The following ZNF398 variants were observed in gnomAD, a reference collection of about 807,000 sequenced individuals.
ZNF398 encodes the protein zinc finger protein 398.
In ZNF398, 18 loss-of-function variants were observed where a neutral mutation model predicts 41.9. The observed-to-expected ratio is 0.43, with a 90% CI of 0.30 to 0.64. The LOEUF is 0.64. ZNF398 is among the 30% of genes least tolerant of loss of function. The probability of loss-of-function intolerance (pLI) is 0.14; values close to 1 mark genes in which losing one functional copy is unlikely to be tolerated. For synonymous variants in ZNF398, 260 were observed against 308.8 expected, an observed-to-expected ratio of 0.84 and a Z score of 1.66; for missense variants, 669 against 822.8, an observed-to-expected ratio of 0.81 and a Z score of 2.29.
Position 149,176,598 on chromosome 7 carries a change from A to G in ZNF398, c.775+17A>G. The G allele has an allele frequency of 6.5e-7, 1 of 1,539,432 alleles. No homozygotes were observed. Among genetic ancestry groups the G allele is most frequent in the Non-Finnish European group, 8.9e-7 (1 of 1,125,174 alleles). On this transcript the variant is annotated intron_variant, in intron 5 of 5. Transcript: ENST00000475153. ...CTTATGCTGGTGAGTATGAAATTAA[A>G]GAGGTGTTCATGTCCATATCCAGCT...
intron 1 of ZNF398, chr7:149,148,475 C>G (rs934430408): frequency 1.7e-5 from 17 of 985,380 alleles, no homozygotes; most frequent in Non-Finnish European, 1.8e-5. Flanking sequence ...CATTTGCCAC[C>G]CAAGAGGTCT....
chr7:149,135,338 C>G (rs562407750), intron 2 of ZNF398, among the ~76,000 whole-genome samples: 68 of 138,668 alleles, frequency 4.9e-4, no homozygotes, highest in African/African-American at 1.8e-3. Context: ...TGCAGTGTGC[C>G]GAGATCGCGC....
At position 149,163,620 on chromosome 7, in the gene ZNF398, G is replaced by A. The variant is rs532982524; in HGVS notation, c.421-2538G>A. 1.2e-4 allele frequency among the ~76,000 whole-genome samples: 18 copies of A among 151,874 alleles called. No homozygotes were observed. In the South Asian group the frequency reaches 1.9e-3, roughly 16 times the overall value. ...AACTCCCGACCTCAGGTGAGCCACC[G>A]CGCCCGGCCAAGCCCAGCTAATTTT... On this transcript the variant is annotated intron_variant, in intron 2 of 5. Coordinates refer to ENST00000475153, the MANE Select transcript of ZNF398 (RefSeq NM_170686.3).
intron 2 of ZNF398, among the ~76,000 whole-genome samples, chr7:149,133,158 C>T (rs565174921): frequency 1.8e-3 from 269 of 151,642 alleles, no homozygotes; most frequent in African/African-American, 6.2e-3. Flanking sequence ...CCCTGTAGCC[C>T]AGGGTGGAGT....
intron 2 of ZNF398, among the ~76,000 whole-genome samples, chr7:149,138,201 CAAAAAAAAAAAG>C (rs1285751709): frequency 1.2e-4 from 9 of 72,788 alleles, no homozygotes; most frequent in Admixed American, 4.7e-4. Context: ...AACTCTGTCT[CAAAAAAAAAAAG>C]AAAAAAAAAA....
At chr7:149,134,252 T>C (rs1471011198) in intron 2 of ZNF398, among the ~76,000 whole-genome samples, 3 of 151,720 alleles carry the variant, frequency 2.0e-5, no homozygotes, top group Non-Finnish European at 4.4e-5. Flanking sequence ...TTTTTGTTTT[T>C]TTTGGATTTT....
At chr7:149,128,473 G>C (rs1826530095) in intron 1 of ZNF398, among the ~76,000 whole-genome samples, 1 of 152,046 alleles carries the variant, frequency 6.6e-6, no homozygotes, top group African/African-American at 2.4e-5. Flanking sequence ...CTGGCCGGGC[G>C]CAGTAGCTCA....
chr7:149,152,204 A>G (rs1827134936), intron 1 of ZNF398, among the ~76,000 whole-genome samples: 1 of 150,838 alleles, frequency 6.6e-6, no homozygotes, highest in Non-Finnish European at 1.5e-5. Context: ...ACAGAGCGAG[A>G]CTCTGTCTCA....
upstream of ZNF398, among the ~76,000 whole-genome samples, chr7:149,145,646 T>G (rs898117028): frequency 5.3e-5 from 8 of 152,198 alleles, no homozygotes; most frequent in Non-Finnish European, 4.4e-5. Context: ...CATGAGAATG[T>G]AGTTTCTTCA....
chr7:149,144,072 G>T (rs1826883285), upstream of ZNF398, among the ~76,000 whole-genome samples: 1 of 152,122 alleles, frequency 6.6e-6, no homozygotes. Flanking sequence ...ACCATCCAAA[G>T]AATTTTTAAG....
At chr7:149,141,073 G>C (rs547964120) in intron 2 of ZNF398, among the ~76,000 whole-genome samples, 1 of 149,420 alleles carries the variant, frequency 6.7e-6, no homozygotes, top group South Asian at 2.1e-4. Context: ...ATCCCTATTT[G>C]GTAATTTTTC....
chr7:149,179,960 T>C lies in ZNF398; in HGVS notation c.*159T>C, dbSNP rs1354857546. On this transcript the variant is annotated 3_prime_UTR_variant, in exon 6 of 6. Coordinates refer to ENST00000475153, the MANE Select transcript of ZNF398 (RefSeq NM_170686.3). The surrounding 1 kb of genome is among the most constrained non-coding windows in gnomAD (Gnocchi z 6.1). ...CTTGACTAGAGACATGCTTGTGTTT[T>C]GGAATTTCACACCCTTACAAGAATA... 1.2e-5 allele frequency: 8 copies of C among 657,164 alleles called. No individual in the cohort carries two copies. In the East Asian group the frequency reaches 2.3e-4, roughly 19 times the overall value. 40.7% of individuals were successfully genotyped at this position (657,164 alleles called of 1,614,324 possible). A position where few individuals can be genotyped will look rare whatever the true frequency, so the allele number is the denominator to read the frequency against.
intron 4 of ZNF398, among the ~76,000 whole-genome samples, chr7:149,174,492 C>G (rs1234107620): frequency 3.9e-5 from 6 of 152,068 alleles, no homozygotes; most frequent in Admixed American, 3.3e-4. Flanking sequence ...CCAGCCCATT[C>G]AGAAAATTTT....
At chr7:149,133,678 T>TATATATATATATACAC (rs1483673161) in intron 2 of ZNF398, among the ~76,000 whole-genome samples, 1 of 67,024 alleles carries the variant, frequency 1.5e-5, no homozygotes, top group African/African-American at 6.1e-5. Flanking sequence ...TATATATATA[T>TATATATATATATACAC]ACATATATAT....
Position 149,179,463 on chromosome 7 carries a change from C to T in ZNF398, c.1591C>T (p.Arg531Trp), listed in dbSNP as rs372531258. 2 of 1,614,084 alleles carry T rather than the reference C, an allele frequency of 1.2e-6. No homozygotes were observed. The highest frequency in any genetic ancestry group is 1.7e-6 in the Non-Finnish European group (2 of 1,180,038). The change falls in exon 6 of 6, where the codon CGG becomes TGG. Residue 531 changes from arginine to tryptophan, a missense_variant. Around this residue, in one of 3 missense-constraint regions of ZNF398, gnomAD observed 210 missense variants for 290.4 expected, o/e 0.72. Coordinates refer to ENST00000475153, the MANE Select transcript of ZNF398 (RefSeq NM_170686.3). This position sits in a 1 kb window ranked among gnomAD's most constrained non-coding sequence, Gnocchi z 6.1. Reference sequence around the variant, plus strand: ...CAAGGAGCACCTGCTGAACCACCGGCGGCTGCACACAGGCGAGCGGCCCTT... The same window carrying T: ...CAAGGAGCACCTGCTGAACCACCGGTGGCTGCACACAGGCGAGCGGCCCTT... ...MRKEHLLNHR[R>W]LHTGERPFSC...
At position 149,153,935 on chromosome 7, in the gene ZNF398, C is replaced by T. The variant is rs1202440; in HGVS notation, c.25-10C>T. On this transcript the variant is annotated splice_polypyrimidine_tract_variant and intron_variant, in intron 1 of 5. Coordinates refer to ENST00000475153, the MANE Select transcript of ZNF398 (RefSeq NM_170686.3). ...CTCAATGTCTTGTTCCATCTTTCCA[C>T]TGCATGCAGACATCTGAATGGGACT... 112,192 of 1,597,352 alleles carry T rather than the reference C, an allele frequency of 0.07. 4,364 individuals are homozygous for T. Among genetic ancestry groups the T allele is most frequent in the Middle Eastern group, 0.11 (666 of 5,960 alleles).
rs1799249161 is a variant in ZNF398 at position 149,178,533 on chromosome 7, TCTG to T, written c.776-111_776-109del. 1.3e-5 allele frequency: 11 copies of T among 817,082 alleles called. No individual in the cohort carries two copies. In the East Asian group the frequency reaches 2.7e-4, roughly 20 times the overall value. The allele number at this position is 817,082 out of a possible 1,614,324, so 50.6% of individuals were successfully genotyped here. On this transcript the variant is annotated intron_variant, in intron 5 of 5. Transcript: ENST00000475153. ...GATGTCTCGGTTATTATTGCAGCCT[TCTG>T]CTGTATTTCTGATCTGAGCTTCGAG...
At chr7:149,165,025 C>T (rs1795196720) in intron 2 of ZNF398, among the ~76,000 whole-genome samples, 1 of 150,984 alleles carries the variant, frequency 6.6e-6, no homozygotes, top group Non-Finnish European at 1.5e-5. Context: ...ACTCGGGAGG[C>T]AGAGGTTGCA....
intron 2 of ZNF398, among the ~76,000 whole-genome samples, chr7:149,155,696 TA>T (rs1794951776): frequency 1.0e-4 from 3 of 29,696 alleles, no homozygotes; most frequent in African/African-American, 1.8e-4. Flanking sequence ...TATATATATA[TA>T]TATATATATA....
Sources: gnomAD v4.1 joint callset for allele counts (sites outside exome capture counted in the v4.1 genomes callset) on GRCh38, gnomAD v4.1.1 for gene constraint, gnomAD v4.1.1 regional missense constraint, Gnocchi (gnomAD v3.1) non-coding constraint, MANE v1.5 for transcripts, NCBI Gene and HGNC (gene_info 2026-07-23, HGNC 2026-07-21) for gene names.